The following HS3ST4 variants were observed in gnomAD, a reference collection of about 807,000 sequenced individuals.
The protein encoded by HS3ST4 is heparan sulfate-glucosamine 3-sulfotransferase 4.
Under a neutral mutation model 29.2 loss-of-function variants are expected in HS3ST4, and 17 were observed. The observed-to-expected ratio is 0.58, with a 90% confidence interval of 0.40 to 0.87. The LOEUF is 0.87. HS3ST4 is among the 40% of genes least tolerant of loss of function. HS3ST4 has a pLI of 0.00. For synonymous variants in HS3ST4, 314 were observed against 285.7 expected (o/e 1.10, Z -1.00); for missense variants, 627 against 634.5 (o/e 0.99, Z 0.13).
At chr16:25,902,989 C>T (rs1968134028) in intron 1 of HS3ST4, among the ~76,000 whole-genome samples, 2 of 149,774 alleles carry the variant, frequency 1.3e-5, no homozygotes, top group African/African-American at 5.0e-5. Flanking sequence ...TCACTGCACT[C>T]CAGCCTGGGT....
At chr16:25,720,800 G>A (rs948822742) in intron 1 of HS3ST4, among the ~76,000 whole-genome samples, 31 of 152,166 alleles carry the variant, frequency 2.0e-4, no homozygotes, top group Non-Finnish European at 4.1e-4. Flanking sequence ...TCTATTTAAT[G>A]AAGAGGAGTA....
chr16:25,790,357 C>T (rs760851254), intron 1 of HS3ST4, among the ~76,000 whole-genome samples: 4 of 152,054 alleles, frequency 2.6e-5, no homozygotes, highest in East Asian at 1.9e-4. Context: ...TGCAGTGAGC[C>T]GAGATCGCAC....
chr16:25,751,960 TAGTA>T (rs1481547797), intron 1 of HS3ST4, among the ~76,000 whole-genome samples: 2 of 151,904 alleles, frequency 1.3e-5, no homozygotes, highest in Non-Finnish European at 2.9e-5. Context: ...TTTCTGTGAC[TAGTA>T]AGTTTTAAAT....
chr16:26,035,374 C>T (rs1969572864), intron 1 of HS3ST4, among the ~76,000 whole-genome samples: 1 of 152,184 alleles, frequency 6.6e-6, no homozygotes, highest in East Asian at 1.9e-4. Flanking sequence ...CTCAGTGTTC[C>T]ATATTTTTAC....
chr16:26,027,835 G>T (rs544350384), intron 1 of HS3ST4, among the ~76,000 whole-genome samples: 1 of 152,162 alleles, frequency 6.6e-6, no homozygotes, highest in Non-Finnish European at 1.5e-5. Context: ...GTGATACAAG[G>T]GGGTGGGCCT....
intron 1 of HS3ST4, among the ~76,000 whole-genome samples, chr16:26,059,987 C>T (rs1898456076): frequency 6.6e-6 from 1 of 152,148 alleles, no homozygotes; most frequent in South Asian, 2.1e-4. Flanking sequence ...ACTGTGTTGG[C>T]CAGGCTGGTC....
chr16:25,979,531 A>C (rs1968981447), intron 1 of HS3ST4, among the ~76,000 whole-genome samples: 1 of 152,208 alleles, frequency 6.6e-6, no homozygotes, highest in Admixed American at 6.5e-5. Context: ...CCTTATGAGA[A>C]TCAGATGCCC....
At chr16:26,121,219 C>T (rs1457652251) in intron 1 of HS3ST4, among the ~76,000 whole-genome samples, 3 of 152,066 alleles carry the variant, frequency 2.0e-5, no homozygotes, top group South Asian at 2.1e-4. Flanking sequence ...TGTGGCAGCT[C>T]GAGGGATGTT....
At chr16:25,829,691 G>A (rs943543174) in intron 1 of HS3ST4, among the ~76,000 whole-genome samples, 1 of 152,148 alleles carries the variant, frequency 6.6e-6, no homozygotes, top group Non-Finnish European at 1.5e-5. Context: ...CTGCTCCTGT[G>A]TTAGTTTGCT....
intron 1 of HS3ST4, among the ~76,000 whole-genome samples, chr16:25,818,342 G>A (rs2141632034): frequency 6.6e-6 from 1 of 152,270 alleles, no homozygotes; most frequent in East Asian, 1.9e-4. Flanking sequence ...TGAGCACACA[G>A]CTAGAAGGTG....
At chr16:26,119,081 A>G (rs529106911) in intron 1 of HS3ST4, among the ~76,000 whole-genome samples, 11 of 152,364 alleles carry the variant, frequency 7.2e-5, no homozygotes, top group African/African-American at 2.4e-4. Flanking sequence ...GATTTAAAAA[A>G]CTAAAGCACA....
rs530897064 is a variant in HS3ST4 at position 26,056,668 on chromosome 16, C to A, written c.735-78944C>A. 1.9e-3 allele frequency among the ~76,000 whole-genome samples: 284 copies of A among 152,312 alleles called. 2 individuals carry two copies. The highest frequency in any genetic ancestry group is 6.4e-3 in the African/African-American group (264 of 41,560). On this transcript the variant is annotated intron_variant, in intron 1 of 1. Coordinates refer to ENST00000331351, the MANE Select transcript of HS3ST4 (RefSeq NM_006040.3). ...ATTCAGTAGACAGAGCTTCTCCCTG[C>A]CACTGCCCTGCTCCCAACCTCCTAA...
chr16:25,737,698 C>T (rs2141596260), intron 1 of HS3ST4, among the ~76,000 whole-genome samples: 1 of 152,208 alleles, frequency 6.6e-6, no homozygotes, highest in Middle Eastern at 3.4e-3. Flanking sequence ...GCAATATATT[C>T]ATGTAACACA....
intron 1 of HS3ST4, among the ~76,000 whole-genome samples, chr16:25,775,131 AT>A (rs1966846434): frequency 6.6e-6 from 1 of 152,208 alleles, no homozygotes; most frequent in Non-Finnish European, 1.5e-5. Flanking sequence ...GCAGAAGTGC[AT>A]TTCATTCTGT....
intron 1 of HS3ST4, among the ~76,000 whole-genome samples, chr16:26,108,821 C>T (rs781743782): frequency 3.9e-5 from 6 of 152,006 alleles, no homozygotes; most frequent in Non-Finnish European, 7.4e-5. Context: ...TTTATCTTAC[C>T]GGACTTAGCA....
intron 1 of HS3ST4, among the ~76,000 whole-genome samples, chr16:25,989,613 T>C (rs942366017): frequency 1.3e-5 from 2 of 152,196 alleles, no homozygotes; most frequent in African/African-American, 4.8e-5. Flanking sequence ...ATAAGTTTCG[T>C]ATGTTTGCAA....
At chr16:25,936,930 A>G (rs958175760) in intron 1 of HS3ST4, among the ~76,000 whole-genome samples, 3 of 152,236 alleles carry the variant, frequency 2.0e-5, no homozygotes, top group South Asian at 2.1e-4. Flanking sequence ...GTGTAGTGGT[A>G]GTAGATATTT....
intron 1 of HS3ST4, among the ~76,000 whole-genome samples, chr16:25,951,675 C>G (rs1188948082): frequency 1.3e-5 from 2 of 152,186 alleles, no homozygotes; most frequent in African/African-American, 4.8e-5. Context: ...TACTCCAATT[C>G]TCTAACTTCT....
At chr16:25,711,687 G>A (rs1966416659) in intron 1 of HS3ST4, among the ~76,000 whole-genome samples, 1 of 152,168 alleles carries the variant, frequency 6.6e-6, no homozygotes, top group South Asian at 2.1e-4. Context: ...TCACTCTCTT[G>A]TTATGAAGCT....
Sources: allele counts gnomAD v4.1 joint callset (sites outside exome capture counted in the v4.1 genomes callset), GRCh38; gene constraint gnomAD v4.1.1; transcripts MANE v1.5; gene names NCBI Gene and HGNC (gene_info 2026-07-23, HGNC 2026-07-21).